Variants in NSMCE4A observed in about 807,000 individuals in gnomAD.
NSMCE4A encodes the protein non-structural maintenance of chromosomes element 4 homolog A.
A neutral mutation model predicts 47.9 loss-of-function variants in NSMCE4A; 40 were observed. The ratio of observed to expected loss-of-function variants is 0.83; its 90% CI spans 0.65 to 1.09. The LOEUF (loss-of-function observed/expected upper bound fraction) is 1.09, where lower values mean the gene tolerates loss of function less well. Among genes scored for constraint, NSMCE4A ranks in the 50% least tolerant of loss-of-function variants. The probability of loss-of-function intolerance (pLI) is 0.00; values close to 1 mark genes in which losing one functional copy is unlikely to be tolerated. For missense variants in NSMCE4A, 500 were observed against 507.0 expected (o/e 0.99, Z 0.13); for synonymous variants, 166 against 178.5 (o/e 0.93, Z 0.56).
At position 121,960,462 on chromosome 10, in the gene NSMCE4A, C is replaced by T. The variant is rs374969368; in HGVS notation, c.940-56G>A. 259 of 1,289,016 alleles carry T rather than the reference C, an allele frequency of 2.0e-4. No individual in the cohort carries two copies. The African/African-American group carries it at 2.6e-3, about 13-fold the overall frequency. 79.8% of individuals were successfully genotyped at this position (1,289,016 alleles called of 1,614,324 possible). ...CAAACATTTAAGACTCAAACCTATA[C>T]GCACTAGATGGAAAAAATTACTCAG... On this transcript the variant is annotated intron_variant, in intron 7 of 10. Coordinates refer to ENST00000369023, the MANE Select transcript of NSMCE4A (RefSeq NM_017615.3). This position sits in a 1 kb window ranked among gnomAD's most constrained non-coding sequence, Gnocchi z 4.2.
At chr10:121,972,137 C>T (rs1657696576) in intron 2 of NSMCE4A, among the ~76,000 whole-genome samples, 2 of 152,170 alleles carry the variant, frequency 1.3e-5, no homozygotes, top group Admixed American at 6.5e-5. Context: ...GCCTGGGCAA[C>T]GTGGTGAAAC....
intron 2 of NSMCE4A, among the ~76,000 whole-genome samples, chr10:121,972,412 C>T (rs575533502): frequency 6.6e-6 from 1 of 152,292 alleles, no homozygotes; most frequent in South Asian, 2.1e-4. Context: ...CCTTCTTTAT[C>T]TCCCATGAGT....
intron 2 of NSMCE4A, among the ~76,000 whole-genome samples, chr10:121,973,231 C>A (rs1320683709): frequency 6.4e-5 from 7 of 109,184 alleles, no homozygotes; most frequent in South Asian, 2.7e-4. Context: ...GACTCCATCT[C>A]AAACCTCAAA....
At chr10:121,968,546 T>C (rs1234205211) in intron 3 of NSMCE4A, among the ~76,000 whole-genome samples, 1 of 152,190 alleles carries the variant, frequency 6.6e-6, no homozygotes, top group Non-Finnish European at 1.5e-5. Context: ...GAATGGCTCA[T>C]CTTAAAATTG....
At chr10:121,961,584 A>T (rs1044420669) in intron 6 of NSMCE4A, 67 bp from the exon 7 acceptor site, 4 of 940,500 alleles carry the variant, frequency 4.3e-6, no homozygotes, top group Non-Finnish European at 6.2e-6. Context: ...CTCTAGCGTT[A>T]GCCAGAGACA....
At chr10:121,969,797 C>A (rs146926008) in intron 3 of NSMCE4A, among the ~76,000 whole-genome samples, 14,835 of 152,224 alleles carry the variant, frequency 0.097, 800 homozygotes, top group Admixed American at 0.18. Context: ...CTCACTGCAA[C>A]TTCTGCCTCC....
intron 2 of NSMCE4A, among the ~76,000 whole-genome samples, chr10:121,972,256 A>G (rs946312706): frequency 6.6e-6 from 1 of 152,120 alleles, no homozygotes; most frequent in Non-Finnish European, 1.5e-5. Context: ...TGGGGGGGGC[A>G]GAGGTTGCAG....
At chr10:121,965,187 CCCG>C (rs1952583528) in intron 5 of NSMCE4A, 96 bp downstream of exon 5, 20 of 128,510 alleles carry the variant, frequency 1.6e-4, no homozygotes, top group African/African-American at 3.7e-4. Context: ...TGGCTCCAGA[CCCG>C]CACACTTAGA....
In NSMCE4A at chr10:121,960,517, C is replaced by T. The variant is rs12412229; in HGVS notation, c.940-111G>A. ...TTCAGTATCTCAGAAAATCAAATTACACCATAGCAATAATAAGGTGATGAT... is the reference window on the plus strand; with the variant it reads ...TTCAGTATCTCAGAAAATCAAATTATACCATAGCAATAATAAGGTGATGAT... On this transcript the variant is annotated intron_variant, in intron 7 of 10. Coordinates refer to ENST00000369023, the MANE Select transcript of NSMCE4A (RefSeq NM_017615.3). This position sits in a 1 kb window ranked among gnomAD's most constrained non-coding sequence, Gnocchi z 4.2. 59,991 of 670,426 alleles carry T rather than the reference C, an allele frequency of 0.089. 2,938 individuals carry two copies. Among genetic ancestry groups the T allele is most frequent in the Admixed American group, 0.19 (5,041 of 25,936 alleles). The allele number at this position is 670,426 out of a possible 1,614,324, so 41.5% of individuals were successfully genotyped here.
At chr10:121,972,339 C>T (rs577703446) in intron 2 of NSMCE4A, among the ~76,000 whole-genome samples, 63 of 114,370 alleles carry the variant, frequency 5.5e-4, no homozygotes, top group African/African-American at 1.6e-3. Flanking sequence ...TTTTCATACT[C>T]TCTGTTGCCT....
intron 2 of NSMCE4A, among the ~76,000 whole-genome samples, chr10:121,972,318 T>G (rs1952730201): frequency 6.7e-6 from 1 of 150,186 alleles, no homozygotes; most frequent in Admixed American, 6.7e-5. Context: ...GTGTAGGTGT[T>G]CCCAGACTAT....
chr10:121,966,961 A>G (rs962740507), intron 4 of NSMCE4A: 11 of 152,244 alleles, frequency 7.2e-5, no homozygotes, highest in African/African-American at 2.7e-4. Context: ...AATACAAGTC[A>G]GTGGTCATCT....
At chr10:121,971,132 C>A in intron 2 of NSMCE4A, 63 bp from the exon 3 acceptor site, 3 of 1,429,560 alleles carry the variant, frequency 2.1e-6, no homozygotes, top group South Asian at 2.8e-5. Flanking sequence ...GACTTTTTCC[C>A]TACATTTCCA....
At chr10:121,971,165 T>G in intron 2 of NSMCE4A, 96 bp from the exon 3 acceptor site, 3 of 892,370 alleles carry the variant, frequency 3.4e-6, no homozygotes, top group Non-Finnish European at 4.5e-6. Flanking sequence ...GATTTCCCAC[T>G]GGACTAAAAA....
At chr10:121,962,967 T>C (rs999652077) in intron 6 of NSMCE4A, among the ~76,000 whole-genome samples, 3 of 152,154 alleles carry the variant, frequency 2.0e-5, no homozygotes, top group South Asian at 2.1e-4. Context: ...CATTTTATAA[T>C]GAGGGGAGGT....
At chr10:121,965,410 A>AT (rs76497370) in intron 4 of NSMCE4A, 25 bp from the exon 5 acceptor site, 132 of 1,550,538 alleles carry the variant, frequency 8.5e-5, no homozygotes, top group Non-Finnish European at 8.3e-5. Context: ...GCTTTCATTT[A>AT]TTTTTTTTGC....
In NSMCE4A at chr10:121,975,014, T is replaced by C; in HGVS notation, c.152A>G (p.Glu51Gly). The change falls in exon 1 of 11, where the codon GAG becomes GGG. Residue 51 changes from glutamate (E) to glycine (G), a missense_variant. By Grantham distance (98) the Glu-to-Gly change is moderately conservative. Transcript: ENST00000369023. ...CTCTGTGTCCTCCAGGCTCGGGCGCTCTGGGGCCTCTCTGCGCTCCCGCGC... is the reference window on the plus strand; with the variant it reads ...CTCTGTGTCCTCCAGGCTCGGGCGCCCTGGGGCCTCTCTGCGCTCCCGCGC... ...GSARERREAP[E>G]RPSLEDTEPS... The C allele has an allele frequency of 6.7e-7, 1 of 1,502,338 alleles. No homozygotes were observed. The highest frequency in any genetic ancestry group is 8.8e-7 in the Non-Finnish European group (1 of 1,130,182). 93.1% of individuals were successfully genotyped at this position (1,502,338 alleles called of 1,614,324 possible). A position where few individuals can be genotyped will look rare whatever the true frequency, so the allele number is the denominator to read the frequency against.
At chr10:121,966,643 T>C (rs1952612008) in intron 4 of NSMCE4A, 1 of 152,114 alleles carries the variant, frequency 6.6e-6, no homozygotes, top group Non-Finnish European at 1.5e-5. Flanking sequence ...CGAGCTACTA[T>C]CAATCTCAAT....
intron 2 of NSMCE4A, among the ~76,000 whole-genome samples, chr10:121,973,428 TTTCAA>T (rs912552392): frequency 1.3e-5 from 2 of 152,044 alleles, no homozygotes; most frequent in African/African-American, 4.8e-5. Flanking sequence ...CTGCCTCTGC[TTTCAA>T]TTCAAACTAA....
Sources: gnomAD v4.1 joint callset for allele counts (sites outside exome capture counted in the v4.1 genomes callset) on GRCh38, gnomAD v4.1.1 for gene constraint, Gnocchi (gnomAD v3.1) non-coding constraint, MANE v1.5 for transcripts, NCBI Gene and HGNC (gene_info 2026-07-23, HGNC 2026-07-21) for gene names.